The following TRAPPC10 variants were observed in gnomAD, a reference collection of about 807,000 sequenced individuals.
TRAPPC10 encodes TRAPP 130 kDa subunit.
Under a neutral mutation model 125.5 loss-of-function variants are expected in TRAPPC10, and 23 were observed. That is an observed-to-expected ratio of 0.18 (90% CI 0.13 to 0.26). The LOEUF is 0.26. TRAPPC10 is among the 10% of genes least tolerant of loss of function. The pLI is 1.00. For synonymous variants in TRAPPC10, 509 were observed against 518.0 expected (o/e 0.98, Z 0.24); for missense variants, 1,123 against 1,308.4 (o/e 0.86, Z 2.19).
At chr21:44,049,362 A>T (rs896546771) in intron 3 of TRAPPC10, among the ~76,000 whole-genome samples, 1 of 152,054 alleles carries the variant, frequency 6.6e-6, no homozygotes, top group Non-Finnish European at 1.5e-5. Flanking sequence ...TGTGTTTCTG[A>T]TGGGAGTAAT....
At chr21:44,091,472 G>T (rs142342646) in intron 18 of TRAPPC10, among the ~76,000 whole-genome samples, 2,015 of 151,890 alleles carry the variant, frequency 0.013, 48 homozygotes, top group African/African-American at 0.046. Flanking sequence ...ATGGAGTCTC[G>T]CCCTGTCACC....
At chr21:44,025,560 G>A (rs1343040657) in intron 1 of TRAPPC10, among the ~76,000 whole-genome samples, 1 of 152,110 alleles carries the variant, frequency 6.6e-6, no homozygotes, top group Non-Finnish European at 1.5e-5. Flanking sequence ...GCTAGAGAAG[G>A]CAACTTGTTT....
At chr21:44,058,592 TGCTGTGCCTGCCATTGGAGCCAGAG>T (rs2035790474) in intron 5 of TRAPPC10, among the ~76,000 whole-genome samples, 1 of 152,172 alleles carries the variant, frequency 6.6e-6, no homozygotes, top group South Asian at 2.1e-4. Flanking sequence ...CACACAAGCG[TGCTGTGCCTGCCATTGGAGCCAGAG>T]TCAGGTCTGA....
intron 13 of TRAPPC10, 27 bp downstream of exon 13, chr21:44,080,154 A>G (rs1231337474): frequency 6.3e-7 from 1 of 1,576,360 alleles, no homozygotes; most frequent in Admixed American, 1.7e-5. Flanking sequence ...CAACTTGACT[A>G]GGAATATTTT....
chr21:44,093,699 A>C (rs938335241), intron 19 of TRAPPC10, among the ~76,000 whole-genome samples: 4 of 152,166 alleles, frequency 2.6e-5, no homozygotes, highest in African/African-American at 9.7e-5. Flanking sequence ...TGGAGGTTGC[A>C]GTGAGCCGAG....
intron 2 of TRAPPC10, among the ~76,000 whole-genome samples, 172 bp downstream of exon 2, chr21:44,032,344 TGTGGGTCTTA>T (rs2033641178): frequency 6.6e-6 from 1 of 152,038 alleles, no homozygotes; most frequent in Admixed American, 6.6e-5. Context: ...TGTGGGTCTT[TGTGGGTCTTA>T]TTCTTTATGG....
At chr21:44,064,301 A>ATGTG (rs1491170973) in intron 7 of TRAPPC10, among the ~76,000 whole-genome samples, 1 of 138,642 alleles carries the variant, frequency 7.2e-6, no homozygotes, top group South Asian at 2.4e-4. Context: ...TATGTCATAA[A>ATGTG]TATGTGTGTG....
intron 7 of TRAPPC10, among the ~76,000 whole-genome samples, chr21:44,066,204 G>A (rs538264750): frequency 1.8e-4 from 27 of 152,312 alleles, no homozygotes; most frequent in African/African-American, 6.5e-4. Context: ...TTGATTTGAA[G>A]TACCTCATTT....
chr21:44,040,644 C>T (rs775010828), intron 3 of TRAPPC10, among the ~76,000 whole-genome samples: 14 of 151,736 alleles, frequency 9.2e-5, no homozygotes, highest in South Asian at 6.3e-4. Flanking sequence ...TACAGGGTCT[C>T]GCTCTGTCAC....
At position 44,074,473 on chromosome 21, in the gene TRAPPC10, G is replaced by GCCT. The variant is rs754563228; in HGVS notation, c.1185+4_1185+6dup. The GCCT allele has an allele frequency of 8.1e-6, 13 of 1,614,126 alleles. No homozygotes were observed. Among genetic ancestry groups the GCCT allele is most frequent in the Non-Finnish European group, 1.0e-5 (12 of 1,179,996 alleles). On this transcript the variant is annotated splice_donor_region_variant and intron_variant, in intron 8 of 22. Coordinates refer to ENST00000291574, the MANE Select transcript of TRAPPC10 (RefSeq NM_003274.5). ...TATGGAGCTATGCCACAGAAAAGGT[G>GCCT]CCTACCTGCCCAAGTGTGGAATGCT...
intron 1 of TRAPPC10, among the ~76,000 whole-genome samples, chr21:44,024,856 A>G (rs1024135725): frequency 6.6e-6 from 1 of 152,178 alleles, no homozygotes; most frequent in African/African-American, 2.4e-5. Flanking sequence ...TGAGTACTCC[A>G]TCACAGTTTT....
Position 44,087,980 on chromosome 21 carries a change from T to TTTCCCAGCAGGCAGGCGG in TRAPPC10, c.2769+52_2769+53insTTCCCAGCAGGCAGGCGG. On this transcript the variant is annotated intron_variant, in intron 17 of 22. Transcript: ENST00000291574. This position sits in a 1 kb window ranked among gnomAD's most constrained non-coding sequence, Gnocchi z 4.6. The stretch of plus-strand genomic sequence containing the variant: ...GCTTGTGGGGCGTCCGCCGCCCGCC[T>TTTCCCAGCAGGCAGGCGG]GCCTGCTGGGAAAGGCGATGTAGCG... 6.6e-7 allele frequency: 1 copy of TTTCCCAGCAGGCAGGCGG among 1,509,796 alleles called. No individual in the cohort carries two copies. Among genetic ancestry groups the TTTCCCAGCAGGCAGGCGG allele is most frequent in the Non-Finnish European group, 9.0e-7 (1 of 1,105,658 alleles). The allele number at this position is 1,509,796 out of a possible 1,614,324, so 93.5% of individuals were successfully genotyped here.
At chr21:44,065,158 G>A (rs866321606) in intron 7 of TRAPPC10, among the ~76,000 whole-genome samples, 3 of 152,320 alleles carry the variant, frequency 2.0e-5, no homozygotes, top group Middle Eastern at 6.8e-3. Flanking sequence ...TTCTGAGTGA[G>A]ACGACCCCAG....
intron 12 of TRAPPC10, 53 bp downstream of exon 12, chr21:44,079,757 A>G: frequency 6.4e-7 from 1 of 1,563,586 alleles, no homozygotes. Flanking sequence ...TTTATACGGC[A>G]ACATTGCCCA....
chr21:44,064,274 C>T (rs933237612), intron 7 of TRAPPC10, among the ~76,000 whole-genome samples: 7 of 151,692 alleles, frequency 4.6e-5, no homozygotes, highest in African/African-American at 1.7e-4. Flanking sequence ...ATTAGTAGTA[C>T]GGAGCTTCAT....
At chr21:44,039,857 C>G (rs143094243) in intron 3 of TRAPPC10, among the ~76,000 whole-genome samples, 2,480 of 152,258 alleles carry the variant, frequency 0.016, 69 homozygotes, top group African/African-American at 0.055. Context: ...GAGCAAGACT[C>G]TGTCTCAAAA....
rs904615287 is a variant in TRAPPC10 at position 44,076,419 on chromosome 21, T to C, written c.1301-133T>C. ...AATGTACATAATCATGTAGTTTCCG[T>C]TGGCATTGGCCGGTTTGTAATTTCA... On this transcript the variant is annotated intron_variant, in intron 9 of 22. Coordinates refer to ENST00000291574, the MANE Select transcript of TRAPPC10 (RefSeq NM_003274.5). 4.7e-6 allele frequency: 3 copies of C among 644,158 alleles called. No individual in the cohort carries two copies. In the African/African-American group the frequency reaches 5.5e-5, roughly 12 times the overall value. The allele number at this position is 644,158 out of a possible 1,614,324, so 39.9% of individuals were successfully genotyped here. A position where few individuals can be genotyped will look rare whatever the true frequency, so the allele number is the denominator to read the frequency against.
chr21:44,064,248 A>G (rs1378482921), intron 7 of TRAPPC10, among the ~76,000 whole-genome samples: 1 of 152,196 alleles, frequency 6.6e-6, no homozygotes, highest in Non-Finnish European at 1.5e-5. Flanking sequence ...GACACACAGC[A>G]GGCTGTGCCC....
At chr21:44,037,744 G>A in intron 2 of TRAPPC10, 48 bp from the exon 3 acceptor site, 10 of 1,587,358 alleles carry the variant, frequency 6.3e-6, no homozygotes, top group East Asian at 2.2e-5. Flanking sequence ...CTCTTCTGAT[G>A]AATGCTGTTT....
Sources: gnomAD v4.1 joint callset for allele counts (sites outside exome capture counted in the v4.1 genomes callset) on GRCh38, gnomAD v4.1.1 for gene constraint, Gnocchi (gnomAD v3.1) non-coding constraint, MANE v1.5 for transcripts, NCBI Gene and HGNC (gene_info 2026-07-23, HGNC 2026-07-21) for gene names.